The following SLC25A48 variants were observed in gnomAD, a reference collection of about 807,000 sequenced individuals.
SLC25A48 encodes solute carrier family 25 member 48.
SLC25A48 carries 29 observed loss-of-function variants against 32.2 expected under a neutral mutation model. The ratio of observed to expected loss-of-function variants is 0.90; its 90% CI spans 0.67 to 1.23. The LOEUF (loss-of-function observed/expected upper bound fraction) is 1.23. SLC25A48 is among the 50% of genes most tolerant of loss of function. The pLI is 0.00. For synonymous variants in SLC25A48, 164 were observed against 172.3 expected, an observed-to-expected ratio of 0.95 and a Z score of 0.38; for missense variants, 399 against 422.7, an observed-to-expected ratio of 0.94 and a Z score of 0.49.
chr5:135,748,270 A>G (rs542125606), intron 3 of SLC25A48, among the ~76,000 whole-genome samples: 2 of 152,258 alleles, frequency 1.3e-5, no homozygotes, highest in South Asian at 2.1e-4. Context: ...TATACTATAC[A>G]TTGGAGGGCA....
intron 3 of SLC25A48, among the ~76,000 whole-genome samples, chr5:135,800,522 T>C (rs1013751545): frequency 6.6e-6 from 1 of 151,988 alleles, no homozygotes; most frequent in Admixed American, 6.6e-5. Flanking sequence ...GCAGGGGGTG[T>C]ACACCCCGCC....
intron 4 of SLC25A48, among the ~76,000 whole-genome samples, chr5:135,816,376 G>A (rs79912632): frequency 1.4e-3 from 218 of 152,216 alleles, no homozygotes; most frequent in African/African-American, 5.0e-3. Context: ...ATCTAAAATC[G>A]TTTTTCATAT....
At chr5:135,627,057 G>C (rs1270995784) in intron 1 of SLC25A48, among the ~76,000 whole-genome samples, 1 of 152,172 alleles carries the variant, frequency 6.6e-6, no homozygotes, top group African/African-American at 2.4e-5. Flanking sequence ...GAGAGCCCAG[G>C]ATCACGCAGA....
chr5:135,789,786 T>C (rs1220158198), intron 3 of SLC25A48, among the ~76,000 whole-genome samples: 2 of 151,938 alleles, frequency 1.3e-5, no homozygotes, highest in Non-Finnish European at 2.9e-5. Flanking sequence ...ATATGGGGAG[T>C]AAAATCTCTG....
At chr5:135,738,320 A>G (rs1283528613) in intron 3 of SLC25A48, among the ~76,000 whole-genome samples, 1 of 152,056 alleles carries the variant, frequency 6.6e-6, no homozygotes, top group Admixed American at 6.6e-5. Flanking sequence ...TGTTGATCCT[A>G]TTACTACCTC....
chr5:135,680,747 C>A (rs1753877239), intron 3 of SLC25A48, among the ~76,000 whole-genome samples: 1 of 152,188 alleles, frequency 6.6e-6, no homozygotes, highest in African/African-American at 2.4e-5. Flanking sequence ...CCCACCAGGT[C>A]CCTCCCATGA....
chr5:135,603,747 C>T (rs958031080), intron 1 of SLC25A48, among the ~76,000 whole-genome samples: 4 of 152,212 alleles, frequency 2.6e-5, no homozygotes, highest in African/African-American at 7.2e-5. Context: ...AAGGAGAAGG[C>T]GTTCCTTTAG....
intron 3 of SLC25A48, among the ~76,000 whole-genome samples, chr5:135,776,695 G>A (rs1756570475): frequency 6.6e-6 from 1 of 151,076 alleles, no homozygotes. Context: ...CACAGAGGGT[G>A]TACACACACC....
intron 3 of SLC25A48, among the ~76,000 whole-genome samples, chr5:135,721,375 G>C (rs191715867): frequency 1.1e-3 from 167 of 151,536 alleles, no homozygotes; most frequent in African/African-American, 3.8e-3. Context: ...CTAATTTTTT[G>C]TATTTTTAGT....
intron 3 of SLC25A48, among the ~76,000 whole-genome samples, chr5:135,719,319 T>C (rs752987366): frequency 3.1e-4 from 47 of 152,088 alleles, no homozygotes; most frequent in Non-Finnish European, 4.0e-4. Flanking sequence ...GAAAGTTGTA[T>C]GTTTGGGCCC....
At chr5:135,753,756 T>C (rs936785156) in intron 3 of SLC25A48, among the ~76,000 whole-genome samples, 2 of 151,764 alleles carry the variant, frequency 1.3e-5, no homozygotes, top group African/African-American at 4.8e-5. Context: ...ACAGTGGTTG[T>C]ACACCCTGTG....
At chr5:135,625,732 G>A (rs1752427818) in intron 1 of SLC25A48, among the ~76,000 whole-genome samples, 1 of 152,100 alleles carries the variant, frequency 6.6e-6, no homozygotes, top group African/African-American at 2.4e-5. Context: ...TAGAACAGGG[G>A]GAAGAAGGTC....
intron 3 of SLC25A48, among the ~76,000 whole-genome samples, chr5:135,778,733 A>G (rs1756634108): frequency 3.3e-4 from 1 of 3,004 alleles, no homozygotes; most frequent in South Asian, 7.9e-3. Flanking sequence ...AGAGGATGAT[A>G]CTACTCCCAA....
At chr5:135,862,891 T>C (rs770971285) in intron 4 of SLC25A48, among the ~76,000 whole-genome samples, 1 of 152,152 alleles carries the variant, frequency 6.6e-6, no homozygotes, top group Non-Finnish European at 1.5e-5. Context: ...TCGCTGAGGA[T>C]AGGCTTAGAT....
At chr5:135,885,600 C>G (rs1762686602) in intron 7 of SLC25A48, among the ~76,000 whole-genome samples, 1 of 142,648 alleles carries the variant, frequency 7.0e-6, no homozygotes, top group South Asian at 2.1e-4. Context: ...TCTGTGCACC[C>G]TCTCTTTCTC....
chr5:135,611,699 G>A (rs1385258836), intron 1 of SLC25A48, among the ~76,000 whole-genome samples: 2 of 152,076 alleles, frequency 1.3e-5, no homozygotes, highest in Admixed American at 6.5e-5. Context: ...GTGACAGTGT[G>A]AGACTCTGTC....
At chr5:135,710,888 T>TA in intron 3 of SLC25A48, among the ~76,000 whole-genome samples, 1 of 151,896 alleles carries the variant, frequency 6.6e-6, no homozygotes, top group Non-Finnish European at 1.5e-5. Flanking sequence ...AAGTATTTTT[T>TA]TCTGCATAAA....
At chr5:135,700,682 G>T (rs55774095) in intron 3 of SLC25A48, among the ~76,000 whole-genome samples, 30,075 of 152,110 alleles carry the variant, frequency 0.2, 3,189 homozygotes, top group Middle Eastern at 0.33. Flanking sequence ...GTTCTCAATG[G>T]TGCAGGCACC....
chr5:135,769,600 T>C (rs1261091822), intron 3 of SLC25A48, among the ~76,000 whole-genome samples: 2 of 151,712 alleles, frequency 1.3e-5, no homozygotes, highest in East Asian at 1.9e-4. Context: ...ACAGGGGATG[T>C]ACAACCCCCT....
Sources: gnomAD v4.1 joint callset for allele counts (sites outside exome capture counted in the v4.1 genomes callset) on GRCh38, gnomAD v4.1.1 for gene constraint, MANE v1.5 for transcripts, NCBI Gene and HGNC (gene_info 2026-07-23, HGNC 2026-07-21) for gene names.